ADHFE1: variants seen among roughly 807,000 people sequenced by gnomAD.
ADHFE1 encodes the protein hydroxyacid-oxoacid transhydrogenase, mitochondrial.
A neutral mutation model predicts 54.8 loss-of-function variants in ADHFE1; 37 were observed. The observed-to-expected ratio is 0.68, with a 90% confidence interval of 0.52 to 0.89. ADHFE1 has a LOEUF of 0.89. Among genes scored for constraint, ADHFE1 ranks in the 40% least tolerant of loss-of-function variants. ADHFE1 has a pLI of 0.00. For missense variants in ADHFE1, 601 were observed against 591.2 expected, an observed-to-expected ratio of 1.02 and a Z score of -0.17; for synonymous variants, 203 against 229.3, an observed-to-expected ratio of 0.89 and a Z score of 1.04.
rs1017488801 is a variant in ADHFE1, at chr8:66,439,688, T to C, written c.60-474T>C. ...CTCCTGGAGGCTCAGGTCTAGAGCC[T>C]GCCTGAAGAAAAATTAGACATCTTG... On this transcript the variant is annotated intron_variant, in intron 1 of 13. Coordinates refer to ENST00000396623, the MANE Select transcript of ADHFE1 (RefSeq NM_144650.3). This position sits in a 1 kb window ranked among gnomAD's most constrained non-coding sequence, Gnocchi z 4.4. 10 of 987,762 alleles carry C rather than the reference T, an allele frequency of 1.0e-5. No homozygotes were observed. The African/African-American group carries it at 1.6e-4, about 16-fold the overall frequency. The allele number at this position is 987,762 out of a possible 1,614,324, so 61.2% of individuals were successfully genotyped here. A position where few individuals can be genotyped will look rare whatever the true frequency, so the allele number is the denominator to read the frequency against.
chr8:66,468,463 G>T lies in ADHFE1; in HGVS notation c.*111G>T, dbSNP rs1669118124. The T allele has an allele frequency of 2.1e-5, 16 of 758,230 alleles. No homozygotes were observed. Among genetic ancestry groups the T allele is most frequent in the Non-Finnish European group, 3.0e-5 (15 of 492,600 alleles). The allele number at this position is 758,230 out of a possible 1,614,324, so 47.0% of individuals were successfully genotyped here. A position where few individuals can be genotyped will look rare whatever the true frequency, so the allele number is the denominator to read the frequency against. ...TTTGCGCATAACTTACCTGTTACCA[G>T]TATAGGTGGGATATACATTTATCTT... On this transcript the variant is annotated 3_prime_UTR_variant, in exon 14 of 14. Coordinates refer to ENST00000396623, the MANE Select transcript of ADHFE1 (RefSeq NM_144650.3).
chr8:66,435,550 A>G (rs1269921577), intron 1 of ADHFE1, among the ~76,000 whole-genome samples: 1 of 143,668 alleles, frequency 7.0e-6, no homozygotes, highest in Non-Finnish European at 1.5e-5. Context: ...GCTATGAGTG[A>G]TTGCATTTAG....
At chr8:66,461,962 C>T (rs559565488) in intron 13 of ADHFE1, among the ~76,000 whole-genome samples, 2 of 151,820 alleles carry the variant, frequency 1.3e-5, no homozygotes, top group South Asian at 4.2e-4. Context: ...GGGACCAAAT[C>T]ACTAAAAAAA....
chr8:66,444,316 C>A, intron 3 of ADHFE1, 51 bp from the exon 4 acceptor site: 1 of 1,562,832 alleles, frequency 6.4e-7, no homozygotes, highest in Non-Finnish European at 8.8e-7. Flanking sequence ...TAGAAATGGA[C>A]TGGCCAACTC....
chr8:66,464,113 T>C (rs1204345125), intron 13 of ADHFE1, among the ~76,000 whole-genome samples: 1 of 152,234 alleles, frequency 6.6e-6, no homozygotes, highest in Non-Finnish European at 1.5e-5. Context: ...TTCATGAACG[T>C]GCTAAAAGTA....
chr8:66,442,897 A>G (rs1805832965), intron 3 of ADHFE1, 53 bp downstream of exon 3: 3 of 1,372,654 alleles, frequency 2.2e-6, no homozygotes, highest in Non-Finnish European at 2.0e-6. Flanking sequence ...AAAAAATAAA[A>G]CTAGAATATT....
intron 13 of ADHFE1, among the ~76,000 whole-genome samples, chr8:66,466,206 T>A (rs964925358): frequency 6.6e-6 from 1 of 151,004 alleles, no homozygotes; most frequent in Non-Finnish European, 1.5e-5. Flanking sequence ...GTAGGTGGGA[T>A]TATAGCTGCC....
intron 7 of ADHFE1, among the ~76,000 whole-genome samples, chr8:66,447,656 T>C (rs1216807158): frequency 6.6e-6 from 1 of 152,158 alleles, no homozygotes; most frequent in Non-Finnish European, 1.5e-5. Flanking sequence ...TTGTATCAAG[T>C]TTAAAAAGAA....
rs772185327 is a variant in ADHFE1, at chr8:66,457,115, T to C, written c.1111T>C (p.Phe371Leu). ...VVLTSPAVFTFTAQMFPERHL... is the reference protein window; with the variant it reads ...VVLTSPAVFTLTAQMFPERHL... ...GCTCACGTCCCCAGCGGTGTTCACTTTCACGGCCCAGATGTTTCCAGAGCG... is the reference window on the plus strand; with the variant it reads ...GCTCACGTCCCCAGCGGTGTTCACTCTCACGGCCCAGATGTTTCCAGAGCG... Residue 371 changes from phenylalanine (F) to leucine (L), a missense_variant, in exon 12 of 14, where the codon TTC (phenylalanine) becomes CTC (leucine). Physicochemically the swap from Phe to Leu is conservative, Grantham distance 22. Transcript: ENST00000396623. 44 of 1,613,816 alleles carry C rather than the reference T, an allele frequency of 2.7e-5. No individual in the cohort carries two copies. The highest frequency in any genetic ancestry group is 1.6e-4 in the Middle Eastern group (1 of 6,082).
chr8:66,455,655 G>C (rs1348399246), intron 10 of ADHFE1, among the ~76,000 whole-genome samples: 1 of 152,218 alleles, frequency 6.6e-6, no homozygotes, highest in Non-Finnish European at 1.5e-5. Flanking sequence ...AGTGGCTCAC[G>C]CCTCTAATCC....
At chr8:66,443,264 ATTTTTTTTTTTTTTT>A (rs540464621) in intron 3 of ADHFE1, among the ~76,000 whole-genome samples, 41,916 of 91,972 alleles carry the variant, frequency 0.46, 7,462 homozygotes, top group South Asian at 0.58. Context: ...TAGTCCAGGA[ATTTTTTTTTTTTTTT>A]TTTTTTTTTT....
chr8:66,454,659 A>G (rs1806477151), intron 10 of ADHFE1, among the ~76,000 whole-genome samples: 1 of 151,734 alleles, frequency 6.6e-6, no homozygotes, highest in South Asian at 2.1e-4. Context: ...TCATCCACCA[A>G]TCCCCCCACC....
At chr8:66,446,429 C>T (rs1187362418) in intron 6 of ADHFE1, among the ~76,000 whole-genome samples, 1 of 152,198 alleles carries the variant, frequency 6.6e-6, no homozygotes, top group Non-Finnish European at 1.5e-5. Flanking sequence ...TGCATTGACC[C>T]AGCTGCAGCT....
chr8:66,456,758 A>G (rs529282239), intron 10 of ADHFE1, 59 bp from the exon 11 acceptor site: 28 of 1,308,878 alleles, frequency 2.1e-5, no homozygotes, highest in African/African-American at 1.9e-4. Context: ...GTATCTTTCT[A>G]TTGTTGACTT....
chr8:66,437,539 G>A (rs946134682), intron 1 of ADHFE1, among the ~76,000 whole-genome samples: 11 of 148,076 alleles, frequency 7.4e-5, no homozygotes, highest in African/African-American at 2.5e-4. Flanking sequence ...CCCACAGCCT[G>A]CCCCCACCCC....
rs571045409 is a variant in ADHFE1 at position 66,435,792 on chromosome 8, A to T, written c.59+3217A>T. 9.9e-5 allele frequency among the ~76,000 whole-genome samples: 15 copies of T among 151,550 alleles called. No homozygotes were observed. The East Asian group carries it at 2.7e-3, about 27-fold the overall frequency. On this transcript the variant is annotated intron_variant, in intron 1 of 13. Coordinates refer to ENST00000396623, the MANE Select transcript of ADHFE1 (RefSeq NM_144650.3). ...ATGCGCAGCTGATTTTATTTTTTGT[A>T]GAGATGGAGTCTCACTATGTTGCCC...
intron 10 of ADHFE1, among the ~76,000 whole-genome samples, chr8:66,455,025 A>G (rs959841898): frequency 3.9e-5 from 6 of 152,152 alleles, no homozygotes; most frequent in South Asian, 2.1e-4. Context: ...CCTACTTTCT[A>G]TCTCTGTAGA....
At chr8:66,450,330 A>G (rs1806235310) in intron 8 of ADHFE1, among the ~76,000 whole-genome samples, 2 of 152,222 alleles carry the variant, frequency 1.3e-5, no homozygotes, top group Non-Finnish European at 2.9e-5. Flanking sequence ...CAAAGGCTTC[A>G]CTGTCAATCA....
intron 9 of ADHFE1, chr8:66,453,718 A>G: frequency 4.4e-6 from 6 of 1,372,770 alleles, no homozygotes; most frequent in South Asian, 1.1e-5. Flanking sequence ...AGGGCCGTCA[A>G]CAGCACTGAC....
Sources: gnomAD v4.1 joint callset for allele counts (sites outside exome capture counted in the v4.1 genomes callset) on GRCh38, gnomAD v4.1.1 for gene constraint, Gnocchi (gnomAD v3.1) non-coding constraint, MANE v1.5 for transcripts, NCBI Gene and HGNC (gene_info 2026-07-23, HGNC 2026-07-21) for gene names.